Variants in WWOX observed in about 807,000 individuals in gnomAD.
WWOX encodes WW domain-containing oxidoreductase.
WWOX carries 69 observed loss-of-function variants against 46.2 expected under a neutral mutation model. The observed-to-expected ratio is 1.49, with a 90% CI of 1.23 to 1.82. The LOEUF is 1.82. Ranked by LOEUF, WWOX falls within the 40% of genes most tolerant of loss-of-function variation. The pLI is 0.00. For missense variants in WWOX, 919 were observed against 542.6 expected (o/e 1.69, Z -6.89); for synonymous variants, 359 against 202.6 (o/e 1.77, Z -6.56).
chr16:79,147,745 G>A (rs1444272297), intron 8 of WWOX, among the ~76,000 whole-genome samples: 2 of 152,220 alleles, frequency 1.3e-5, no homozygotes, highest in Middle Eastern at 3.4e-3. Context: ...CCAGCATTTG[G>A]TGGTGTTGCA....
chr16:78,719,953 C>T (rs1343718176), intron 8 of WWOX, among the ~76,000 whole-genome samples: 1 of 152,094 alleles, frequency 6.6e-6, no homozygotes, highest in Admixed American at 6.6e-5. Flanking sequence ...GTGTTCTATT[C>T]TAAGCTAGTC....
chr16:78,288,290 A>T (rs1268390266), intron 5 of WWOX, among the ~76,000 whole-genome samples: 1 of 118,004 alleles, frequency 8.5e-6, no homozygotes, highest in African/African-American at 3.4e-5. Flanking sequence ...TTTTGCTTTA[A>T]CAGCACATAC....
At chr16:79,027,279 C>CAA (rs57848394) in intron 8 of WWOX, among the ~76,000 whole-genome samples, 68,957 of 124,928 alleles carry the variant, frequency 0.55, 19,353 homozygotes, top group East Asian at 0.82. Context: ...GACTCCATCT[C>CAA]AAAAAAAAAA....
chr16:78,784,939 G>A (rs150993145), intron 8 of WWOX, among the ~76,000 whole-genome samples: 3 of 152,266 alleles, frequency 2.0e-5, no homozygotes, highest in East Asian at 3.9e-4. Flanking sequence ...AGGAAGCGAG[G>A]TGTCCCTTTT....
At chr16:78,931,205 A>G (rs2045616794) in intron 8 of WWOX, among the ~76,000 whole-genome samples, 1 of 152,196 alleles carries the variant, frequency 6.6e-6, no homozygotes, top group South Asian at 2.1e-4. Context: ...ACTCAGGAAT[A>G]GTGGAAAACT....
intron 8 of WWOX, among the ~76,000 whole-genome samples, chr16:78,637,166 A>C (rs984542286): frequency 3.9e-5 from 6 of 152,156 alleles, no homozygotes; most frequent in African/African-American, 1.4e-4. Flanking sequence ...TCCTGTCTGT[A>C]ATCCCGGCAC....
chr16:78,118,026 T>G (rs189972027), intron 4 of WWOX, among the ~76,000 whole-genome samples: 2 of 132,456 alleles, frequency 1.5e-5, no homozygotes, highest in African/African-American at 2.7e-5. Flanking sequence ...CCAGTGGTTC[T>G]TTCTTTCTTT....
intron 5 of WWOX, among the ~76,000 whole-genome samples, chr16:78,217,478 C>T (rs2151794686): frequency 6.6e-6 from 1 of 152,208 alleles, no homozygotes; most frequent in Middle Eastern, 3.4e-3. Context: ...TGGTGAACTG[C>T]CTAAGATGGA....
intron 8 of WWOX, among the ~76,000 whole-genome samples, chr16:79,132,933 T>C (rs1388718756): frequency 6.6e-6 from 1 of 152,228 alleles, no homozygotes; most frequent in Non-Finnish European, 1.5e-5. Flanking sequence ...GCTTCTTGGC[T>C]GATCTGAGTT....
chr16:79,171,456 T>C lies in WWOX; in HGVS notation c.1057-40152T>C, dbSNP rs185955589. On this transcript the variant is annotated intron_variant, in intron 8 of 8. Transcript: ENST00000566780. ...CAGTGGTTGGTGGTTTATAAGAAGTTTTTTGTCGGTGTCATCTTTCACATC... is the reference window on the plus strand; with the variant it reads ...CAGTGGTTGGTGGTTTATAAGAAGTCTTTTGTCGGTGTCATCTTTCACATC... 5.9e-5 allele frequency among the ~76,000 whole-genome samples: 9 copies of C among 152,324 alleles called. No homozygotes were observed. In the East Asian group the frequency reaches 1.7e-3, roughly 29 times the overall value.
intron 8 of WWOX, among the ~76,000 whole-genome samples, chr16:78,626,299 T>G (rs902232859): frequency 2.0e-5 from 3 of 152,062 alleles, no homozygotes; most frequent in South Asian, 2.1e-4. Context: ...CTCAGCTAAT[T>G]TTTGCAGGAT....
chr16:79,124,181 C>T (rs1010655920), intron 8 of WWOX, among the ~76,000 whole-genome samples: 1 of 152,106 alleles, frequency 6.6e-6, no homozygotes, highest in Non-Finnish European at 1.5e-5. Context: ...GTCAATTCTG[C>T]CCGTTGCTAT....
chr16:78,156,064 A>T (rs1259833084), intron 4 of WWOX, among the ~76,000 whole-genome samples: 3 of 152,206 alleles, frequency 2.0e-5, no homozygotes, highest in Non-Finnish European at 4.4e-5. Flanking sequence ...AAAGTAGACT[A>T]GCAACGGGTA....
intron 8 of WWOX, among the ~76,000 whole-genome samples, chr16:79,190,971 A>C (rs908850234): frequency 6.6e-6 from 1 of 152,240 alleles, no homozygotes; most frequent in Admixed American, 6.5e-5. Flanking sequence ...ACATTCAAAT[A>C]AAATCATGTA....
intron 8 of WWOX, among the ~76,000 whole-genome samples, chr16:78,623,944 C>T (rs1328095141): frequency 2.6e-4 from 39 of 152,154 alleles, no homozygotes; most frequent in Non-Finnish European, 4.6e-4. Flanking sequence ...AGTCTTTGCT[C>T]TACAGGTCAA....
intron 5 of WWOX, among the ~76,000 whole-genome samples, chr16:78,182,638 T>A (rs1567616633): frequency 6.6e-6 from 1 of 151,908 alleles, no homozygotes; most frequent in East Asian, 1.9e-4. Flanking sequence ...TGAGCACCAG[T>A]GATATGGCAG....
chr16:78,563,695 TG>T (rs2044495462), intron 8 of WWOX, among the ~76,000 whole-genome samples: 2 of 152,156 alleles, frequency 1.3e-5, no homozygotes, highest in Admixed American at 1.3e-4. Flanking sequence ...TAATATCCCT[TG>T]TTATTAAGAA....
At chr16:78,100,539 C>T (rs1452800720) in intron 1 of WWOX, among the ~76,000 whole-genome samples, 1 of 152,248 alleles carries the variant, frequency 6.6e-6, no homozygotes, top group Non-Finnish European at 1.5e-5. Flanking sequence ...GCGTGAGCCA[C>T]TGCGCCTAGC....
At chr16:79,010,769 G>C (rs1042163177) in intron 8 of WWOX, among the ~76,000 whole-genome samples, 1 of 149,930 alleles carries the variant, frequency 6.7e-6, no homozygotes, top group African/African-American at 2.5e-5. Flanking sequence ...ACCCGATGCT[G>C]CCAGCAGAGG....
Sources: allele counts gnomAD v4.1 joint callset (sites outside exome capture counted in the v4.1 genomes callset), GRCh38; gene constraint gnomAD v4.1.1; transcripts MANE v1.5; gene names NCBI Gene and HGNC (gene_info 2026-07-23, HGNC 2026-07-21).